ACYP2: variants seen among roughly 807,000 people sequenced by gnomAD.
ACYP2 encodes the protein acylphosphatase-2.
In ACYP2, 12 loss-of-function variants were observed where a neutral mutation model predicts 11.2. The ratio of observed to expected loss-of-function variants is 1.08; its 90% CI spans 0.69 to 1.74. The LOEUF is 1.74. ACYP2 is among the 40% of genes most tolerant of loss of function. The pLI is 0.00. For missense variants in ACYP2, 134 were observed against 101.9 expected (o/e 1.31, Z -1.35); for synonymous variants, 43 against 32.2 (o/e 1.33, Z -1.13).
At chr2:54,096,482 G>T (rs1042245540) in intron 4 of ACYP2, among the ~76,000 whole-genome samples, 1 of 151,914 alleles carries the variant, frequency 6.6e-6, no homozygotes, top group Non-Finnish European at 1.5e-5. Flanking sequence ...CAAGGCAGGC[G>T]GCTGGGAGGT....
chr2:54,017,891 G>T (rs1213820210), intron 2 of ACYP2, among the ~76,000 whole-genome samples: 1 of 151,888 alleles, frequency 6.6e-6, no homozygotes, highest in Non-Finnish European at 1.5e-5. Context: ...TTCAAAACAG[G>T]GTCTCACTTT....
chr2:54,107,625 A>T (rs183080763), intron 4 of ACYP2, among the ~76,000 whole-genome samples: 105 of 152,314 alleles, frequency 6.9e-4, no homozygotes, highest in Middle Eastern at 3.4e-3. Flanking sequence ...TGGCTTATGA[A>T]GTTGTTGGCA....
intron 6 of ACYP2, among the ~76,000 whole-genome samples, chr2:54,164,680 A>T (rs1406364007): frequency 6.6e-6 from 1 of 152,204 alleles, no homozygotes; most frequent in East Asian, 1.9e-4. Context: ...CTCTTGTGGC[A>T]AACAGCGTTT....
At chr2:54,267,361 T>G (rs1360805787) in intron 6 of ACYP2, 1 of 1,546,530 alleles carries the variant, frequency 6.5e-7, no homozygotes, top group African/African-American at 1.4e-5. Flanking sequence ...TAGAGGAGAA[T>G]TCAGGTGAGA....
chr2:53,993,585 T>C, intron 2 of ACYP2, among the ~76,000 whole-genome samples: 1 of 151,114 alleles, frequency 6.6e-6, no homozygotes, highest in Non-Finnish European at 1.5e-5. Flanking sequence ...TAGTCTCAGC[T>C]CCTCGGGAGG....
intron 2 of ACYP2, chr2:54,029,817 T>A: frequency 3.7e-6 from 2 of 537,964 alleles, no homozygotes; most frequent in Non-Finnish European, 3.5e-6. Flanking sequence ...CATTCCTATT[T>A]GAACAGTGCC....
intron 2 of ACYP2, chr2:53,973,846 GATAT>G (rs201390662): frequency 2.6e-5 from 4 of 153,382 alleles, no homozygotes; most frequent in African/African-American, 4.3e-5. Context: ...TTGAATGTGG[GATAT>G]ATATATGTGT....
At chr2:54,218,543 A>G (rs1486723803) in intron 6 of ACYP2, among the ~76,000 whole-genome samples, 1 of 152,180 alleles carries the variant, frequency 6.6e-6, no homozygotes, top group Non-Finnish European at 1.5e-5. Context: ...TTTATTCATA[A>G]AAGTCGTGTT....
intron 4 of ACYP2, among the ~76,000 whole-genome samples, chr2:54,102,469 C>G (rs985278806): frequency 6.6e-6 from 1 of 151,928 alleles, no homozygotes; most frequent in Non-Finnish European, 1.5e-5. Flanking sequence ...CTATTGCAGA[C>G]ACTTTTTTCT....
intron 2 of ACYP2, among the ~76,000 whole-genome samples, chr2:54,029,146 C>T (rs1231976949): frequency 6.6e-6 from 1 of 151,940 alleles, no homozygotes; most frequent in Non-Finnish European, 1.5e-5. Flanking sequence ...GCCTAGGTGA[C>T]AGAGGGAAAT....
intron 2 of ACYP2, among the ~76,000 whole-genome samples, chr2:54,035,350 C>T (rs1027315651): frequency 2.0e-5 from 3 of 150,474 alleles, no homozygotes; most frequent in Non-Finnish European, 3.0e-5. Context: ...ACTGCAAGCT[C>T]CGCCTCCCGG....
chr2:54,266,001 A>C lies in ACYP2; in HGVS notation c.405-38687A>C, dbSNP rs1377161395. Among the ~76,000 whole-genome samples, 3 of 152,238 alleles carry C rather than the reference A, an allele frequency of 2.0e-5. No homozygotes were observed. In the East Asian group the frequency reaches 5.8e-4, roughly 29 times the overall value. On this transcript the variant is annotated intron_variant, in intron 6 of 6. Coordinates refer to ENST00000607452, the MANE Select transcript of ACYP2 (RefSeq NM_001320586.2). ...CAAAAATTGAGAATTTATTATGCCC[A>C]TAAAAAAACCTCAATATATTGCAAA...
intron 6 of ACYP2, among the ~76,000 whole-genome samples, chr2:54,151,053 C>T (rs1682145145): frequency 6.6e-6 from 1 of 152,134 alleles, no homozygotes; most frequent in African/African-American, 2.4e-5. Context: ...TTCTGTGTTT[C>T]TATACAGAGC....
At position 54,219,829 on chromosome 2, in the gene ACYP2, A is replaced by ATATGTGTGTATGTGTG. The variant is rs1553394641; in HGVS notation, c.404+81084_404+81085insGTGTGTATGTGTGTAT. ...TGTGTGTTTGTGTATGTGTGTGTGT[A>ATATGTGTGTATGTGTG]TATATATGTGTATGTGTGTGTATAT... On this transcript the variant is annotated intron_variant, in intron 6 of 6. Transcript: ENST00000607452. 2.9e-3 allele frequency among the ~76,000 whole-genome samples: 410 copies of ATATGTGTGTATGTGTG among 141,196 alleles called. 3 individuals are homozygous for ATATGTGTGTATGTGTG. The highest frequency in any genetic ancestry group is 5.0e-3 in the Non-Finnish European group (326 of 65,522). The allele number at this position is 141,196 out of a possible 152,430, so 92.6% of individuals were successfully genotyped here. A position where few individuals can be genotyped will look rare whatever the true frequency, so the allele number is the denominator to read the frequency against.
At chr2:54,022,865 C>G (rs115088502) in intron 2 of ACYP2, among the ~76,000 whole-genome samples, 2,411 of 152,250 alleles carry the variant, frequency 0.016, 35 homozygotes, top group African/African-American at 0.037. Context: ...GCTGTTTCCC[C>G]AGTTTATTTT....
At chr2:54,064,814 G>A (rs534452159) in intron 4 of ACYP2, among the ~76,000 whole-genome samples, 24 of 152,158 alleles carry the variant, frequency 1.6e-4, no homozygotes, top group Non-Finnish European at 3.1e-4. Flanking sequence ...CCGCCAGCAC[G>A]GTGGCTCACG....
chr2:54,110,476 AG>A (rs1679402079), intron 4 of ACYP2, among the ~76,000 whole-genome samples: 2 of 152,200 alleles, frequency 1.3e-5, no homozygotes, highest in Admixed American at 6.5e-5. Flanking sequence ...TACTCAAATC[AG>A]GATCCAAACA....
intron 6 of ACYP2, among the ~76,000 whole-genome samples, chr2:54,226,805 A>G (rs1686029531): frequency 6.6e-6 from 1 of 152,220 alleles, no homozygotes; most frequent in Non-Finnish European, 1.5e-5. Flanking sequence ...ACAGTATCAA[A>G]ATTATTTCTA....
At chr2:54,064,290 C>G (rs2103636742) in intron 4 of ACYP2, among the ~76,000 whole-genome samples, 1 of 152,282 alleles carries the variant, frequency 6.6e-6, no homozygotes, top group East Asian at 1.9e-4. Flanking sequence ...GGGTGCAGGA[C>G]CTAGTCTCAG....
Sources: gnomAD v4.1 joint callset for allele counts (sites outside exome capture counted in the v4.1 genomes callset) on GRCh38, gnomAD v4.1.1 for gene constraint, MANE v1.5 for transcripts, NCBI Gene and HGNC (gene_info 2026-07-23, HGNC 2026-07-21) for gene names.